Variants in NRP2 observed in about 807,000 individuals in gnomAD.
The protein encoded by NRP2 is neuropilin-2.
NRP2 carries 52 observed loss-of-function variants against 110.4 expected under a neutral mutation model. That is an observed-to-expected ratio of 0.47 (90% CI 0.38 to 0.59). The LOEUF (loss-of-function observed/expected upper bound fraction) is 0.59, where lower values mean the gene tolerates loss of function less well. NRP2 is among the 20% of genes least tolerant of loss of function. The pLI is 0.00. For missense variants in NRP2, 1,049 were observed against 1,203.0 expected (o/e 0.87, Z 1.89); for synonymous variants, 508 against 468.9 (o/e 1.08, Z -1.08).
intron 2 of NRP2, among the ~76,000 whole-genome samples, chr2:205,698,160 G>A (rs1033486671): frequency 6.6e-6 from 1 of 150,798 alleles, no homozygotes; most frequent in South Asian, 2.1e-4. Flanking sequence ...ATCCAGCCAC[G>A]CAGGATCAGC....
chr2:205,749,744 G>A lies in NRP2; in HGVS notation c.1806G>A (p.Glu602=). ...ACACAGACTCCAAGCCCACGGTAGAGACGCTGGGACCCACTGTGAAGAGCG... is the reference window on the plus strand; with the variant it reads ...ACACAGACTCCAAGCCCACGGTAGAAACGCTGGGACCCACTGTGAAGAGCG... ...CDWTDSKPTV[E]TLGPTVKSEE... Residue 602 remains glutamate (E), a synonymous_variant, in exon 11 of 17, where the codon GAG becomes GAA. Coordinates refer to ENST00000357785, the MANE Select transcript of NRP2 (RefSeq NM_003872.3). 6.2e-7 allele frequency: 1 copy of A among 1,614,154 alleles called. No homozygotes were observed. The highest frequency in any genetic ancestry group is 8.5e-7 in the Non-Finnish European group (1 of 1,179,998).
chr2:205,738,607 C>G (rs2057387278), intron 7 of NRP2, among the ~76,000 whole-genome samples: 2 of 152,162 alleles, frequency 1.3e-5, no homozygotes, highest in African/African-American at 4.8e-5. Flanking sequence ...CTTTGCTTGG[C>G]TTTTCTCCTT....
intron 1 of NRP2, among the ~76,000 whole-genome samples, chr2:205,692,905 A>G (rs1431285409): frequency 6.6e-6 from 1 of 152,228 alleles, no homozygotes; most frequent in African/African-American, 2.4e-5. Context: ...CTCATTCTAT[A>G]GATGAGAAAA....
chr2:205,748,087 C>T (rs1467066782), intron 10 of NRP2, among the ~76,000 whole-genome samples: 1 of 152,128 alleles, frequency 6.6e-6, no homozygotes. Flanking sequence ...CGCCGTTCCT[C>T]CACTTTCATT....
intron 15 of NRP2, among the ~76,000 whole-genome samples, chr2:205,783,192 G>T (rs1385226900): frequency 6.6e-6 from 1 of 152,114 alleles, no homozygotes; most frequent in Non-Finnish European, 1.5e-5. Flanking sequence ...TTAAACTCAG[G>T]GAGTGTTTCT....
intron 1 of NRP2, among the ~76,000 whole-genome samples, chr2:205,684,955 C>T (rs1468999145): frequency 6.6e-6 from 1 of 152,226 alleles, no homozygotes; most frequent in African/African-American, 2.4e-5. Flanking sequence ...CGCGAGCGCG[C>T]ACACACTGGC....
At chr2:205,707,906 G>A (rs2056715359) in intron 2 of NRP2, among the ~76,000 whole-genome samples, 1 of 152,184 alleles carries the variant, frequency 6.6e-6, no homozygotes, top group African/African-American at 2.4e-5. Flanking sequence ...GACCACCCAT[G>A]CAGGCAGCCC....
chr2:205,746,917 CTT>C (rs1002139479), intron 10 of NRP2, among the ~76,000 whole-genome samples: 8 of 152,188 alleles, frequency 5.3e-5, no homozygotes, highest in Non-Finnish European at 7.3e-5. Context: ...AGCCTCCTCA[CTT>C]TTGAATTGAA....
chr2:205,697,116 G>T (rs2056445894), intron 1 of NRP2, among the ~76,000 whole-genome samples: 1 of 152,084 alleles, frequency 6.6e-6, no homozygotes, highest in Non-Finnish European at 1.5e-5. Flanking sequence ...CCTGGGCTGG[G>T]CTGGGAGACA....
intron 2 of NRP2, among the ~76,000 whole-genome samples, chr2:205,704,820 GC>G (rs1446040164): frequency 6.6e-6 from 1 of 152,126 alleles, no homozygotes; most frequent in East Asian, 1.9e-4. Flanking sequence ...CACTTGTTCT[GC>G]CTCTCCACCC....
chr2:205,713,002 C>G (rs1035889608), intron 2 of NRP2, among the ~76,000 whole-genome samples: 1 of 152,154 alleles, frequency 6.6e-6, no homozygotes, highest in Non-Finnish European at 1.5e-5. Flanking sequence ...CATCCCTTCT[C>G]TATATGTGTG....
At chr2:205,758,441 G>C (rs181735885) in intron 12 of NRP2, among the ~76,000 whole-genome samples, 2 of 152,182 alleles carry the variant, frequency 1.3e-5, no homozygotes, top group Non-Finnish European at 2.9e-5. Flanking sequence ...TCGCAGTCAC[G>C]TGTTCACATG....
chr2:205,703,085 A>T (rs2056595684), intron 2 of NRP2, among the ~76,000 whole-genome samples: 1 of 152,228 alleles, frequency 6.6e-6, no homozygotes, highest in Non-Finnish European at 1.5e-5. Flanking sequence ...GGAGGGTGCT[A>T]GGCAGGTGTG....
chr2:205,716,361 G>A lies in NRP2; in HGVS notation c.420G>A (p.Glu140=), dbSNP rs764261615. 1.2e-5 allele frequency: 19 copies of A among 1,613,916 alleles called. No homozygotes were observed. The Admixed American group carries it at 3.2e-4, about 27-fold the overall frequency. Residue 140 remains glutamate (E), a synonymous_variant, in exon 3 of 17, where the codon GAG becomes GAA. Transcript: ENST00000357785. ...GGGCAGGCTTCTCTCTGCGCTACGA[G>A]ATCTTCAAGACAGGTCAGTGTGGTC... ...RQGAGFSLRY[E]IFKTGSEDCS...
intron 12 of NRP2, chr2:205,762,382 T>C (rs1410796267): frequency 6.6e-6 from 1 of 152,154 alleles, no homozygotes; most frequent in African/African-American, 2.4e-5. Flanking sequence ...CAGGCTCAGC[T>C]CTCACCTAGA....
At chr2:205,792,798 A>G (rs1041016383) in intron 16 of NRP2, among the ~76,000 whole-genome samples, 33 of 152,214 alleles carry the variant, frequency 2.2e-4, no homozygotes, top group African/African-American at 6.7e-4. Context: ...CTTTATATTT[A>G]TTCCAAGTTC....
chr2:205,742,521 G>T (rs544545412), intron 8 of NRP2, among the ~76,000 whole-genome samples: 6 of 152,312 alleles, frequency 3.9e-5, no homozygotes, highest in African/African-American at 1.4e-4. Context: ...ACTTGAGCTT[G>T]GGGGTAAGAA....
chr2:205,735,303 G>C (rs2057323342), intron 7 of NRP2, among the ~76,000 whole-genome samples: 2 of 152,058 alleles, frequency 1.3e-5, no homozygotes, highest in Admixed American at 6.5e-5. Context: ...AGCTATGTCA[G>C]TCACTGCATA....
At chr2:205,706,678 C>T (rs1559315386) in intron 2 of NRP2, among the ~76,000 whole-genome samples, 1 of 152,092 alleles carries the variant, frequency 6.6e-6, no homozygotes, top group Admixed American at 6.5e-5. Flanking sequence ...TTTGGGGGGT[C>T]ATCTGCTGGG....
Sources: allele counts gnomAD v4.1 joint callset (sites outside exome capture counted in the v4.1 genomes callset), GRCh38; gene constraint gnomAD v4.1.1; transcripts MANE v1.5; gene names NCBI Gene and HGNC (gene_info 2026-07-23, HGNC 2026-07-21).